TUBB8: variants seen among roughly 807,000 people sequenced by gnomAD.
The protein encoded by TUBB8 is tubulin beta 8 class VIII, also known as tubulin beta-8 chain.
A neutral mutation model predicts 33.7 loss-of-function variants in TUBB8; 25 were observed. The observed-to-expected ratio is 0.74, with a 90% CI of 0.54 to 1.04. The LOEUF is 1.04. TUBB8 is among the 50% of genes least tolerant of loss of function. The pLI is 0.00. For synonymous variants in TUBB8, 245 were observed against 240.1 expected (o/e 1.02, Z -0.19); for missense variants, 279 against 608.0 (o/e 0.46, Z 5.69).
At position 73,624 on chromosome 10, in the gene TUBB8, CAA is replaced by C. The variant is rs1172877104; in HGVS notation, c.-846+343_-846+344del. ...CGCCATTGCACTCCAACCTGGGAAA[CAA>C]GAGCGAAAGTCCGTCTCCAAAACAA... On this transcript the variant is annotated intron_variant, in intron 1 of 3. Coordinates refer to the TUBB8 transcript ENST00000564130. Among the ~76,000 whole-genome samples, 30 of 150,720 alleles carry C rather than the reference CAA, an allele frequency of 2.0e-4. 2 individuals carry two copies. The highest frequency in any genetic ancestry group is 6.0e-5 in the Non-Finnish European group (4 of 67,076).
chr10:68,041 T>C (rs782401975), intron 1 of TUBB8, among the ~76,000 whole-genome samples: 15 of 152,266 alleles, frequency 9.9e-5, no homozygotes, highest in Admixed American at 3.9e-4. Flanking sequence ...GCATAAATAC[T>C]GTGATGGTTA....
intron 1 of TUBB8, among the ~76,000 whole-genome samples, chr10:73,172 C>T (rs1465760416): frequency 6.6e-6 from 1 of 152,252 alleles, no homozygotes; most frequent in African/African-American, 2.4e-5. Context: ...GACGAGTTCA[C>T]TTCCATTAGA....
chr10:55,313 T>G (rs1436735488), intron 1 of TUBB8, among the ~76,000 whole-genome samples: 3 of 152,300 alleles, frequency 2.0e-5, no homozygotes, highest in South Asian at 4.1e-4. Context: ...CTACCAGGTC[T>G]CTCCCTCAAC....
At chr10:54,201 C>G (rs1373794912), upstream of TUBB8, among the ~76,000 whole-genome samples, 1 of 152,134 alleles carries the variant, frequency 6.6e-6, no homozygotes, top group Non-Finnish European at 1.5e-5. Context: ...CTGCCCTTCC[C>G]AGCCTCTGGT....
chr10:71,777 G>C (rs1358903987), intron 1 of TUBB8, among the ~76,000 whole-genome samples: 1 of 151,258 alleles, frequency 6.6e-6, no homozygotes, highest in African/African-American at 2.4e-5. Flanking sequence ...GTGCATGGTG[G>C]CTGGTGCCTA....
At chr10:56,442 G>T (rs1244841566) in intron 1 of TUBB8, among the ~76,000 whole-genome samples, 1 of 152,210 alleles carries the variant, frequency 6.6e-6, no homozygotes. Context: ...AAGGAAATAG[G>T]TTTCATTGGC....
In TUBB8 at chr10:65,790, G is replaced by A. The variant is rs563061413; in HGVS notation, c.-846+8179C>T. Among the ~76,000 whole-genome samples, 735 of 80,204 alleles carry A rather than the reference G, an allele frequency of 9.2e-3. 2 individuals are homozygous for A. Among genetic ancestry groups the A allele is most frequent in the African/African-American group, 0.056 (688 of 12,370 alleles). The allele number at this position is 80,204 out of a possible 152,430, so 52.6% of individuals were successfully genotyped here. A position where few individuals can be genotyped will look rare whatever the true frequency, so the allele number is the denominator to read the frequency against. On this transcript the variant is annotated intron_variant, in intron 1 of 3. Coordinates refer to the TUBB8 transcript ENST00000564130. Reference sequence around the variant, plus strand: ...AATAATTGTAATTTCATACTAGCACGTATTTTGAGGATTGCACAACATGAT... The same window carrying A: ...AATAATTGTAATTTCATACTAGCACATATTTTGAGGATTGCACAACATGAT...
chr10:50,085 T>G (rs1834447093), upstream of TUBB8: 1 of 153,458 alleles, frequency 6.5e-6, no homozygotes, highest in Admixed American at 6.5e-5. Flanking sequence ...TCCGGGTAAA[T>G]TAGAGTGGCC....
At chr10:65,053 C>T (rs1834653271) in intron 1 of TUBB8, among the ~76,000 whole-genome samples, 1 of 151,788 alleles carries the variant, frequency 6.6e-6, no homozygotes, top group Admixed American at 6.6e-5. Context: ...AAGGCTGAGG[C>T]CTAAAAATCA....
At position 47,458 on chromosome 10, in the gene TUBB8, T is replaced by C. The variant is rs1554738095; in HGVS notation, c.934A>G (p.Thr312Ala). ...CGACCCCTGAAAATGGCAGCCGCCGTTAGGTAGCGGCCGTGACGGGGGTCA... is the reference window on the plus strand; with the variant it reads ...CGACCCCTGAAAATGGCAGCCGCCGCTAGGTAGCGGCCGTGACGGGGGTCA... ...ACDPRHGRYL[T>A]AAAIFRGRMP... The change falls in exon 4 of 4, where the codon ACG becomes GCG. Residue 312 changes from threonine (T) to alanine (A), a missense_variant. By Grantham distance (58) the Thr-to-Ala change is moderately conservative. This residue lies in a region of TUBB8 where 123 missense variants were observed against 228.9 expected (regional missense o/e 0.54). Coordinates refer to ENST00000568584, the MANE Select transcript of TUBB8 (RefSeq NM_177987.3). 1 of 1,612,284 alleles carries C rather than the reference T, an allele frequency of 6.2e-7. No homozygotes were observed. Among genetic ancestry groups the C allele is most frequent in the South Asian group, 1.1e-5 (1 of 90,990 alleles).
In TUBB8 at chr10:49,172, G is replaced by A. The variant is rs1162403043; in HGVS notation, c.57+10C>T. The A allele has an allele frequency of 3.8e-6, 6 of 1,567,368 alleles. No individual in the cohort carries two copies. Among genetic ancestry groups the A allele is most frequent in the African/African-American group, 1.4e-5 (1 of 73,558 alleles). On this transcript the variant is annotated intron_variant, in intron 1 of 3. Transcript: ENST00000568584. ...GCCCGGGCTAGGCCCTCAGAGCCCC[G>A]GCTGCCAACCTTGGCGCCGATCTGA...
At chr10:56,349 T>TA (rs1411463463) in intron 1 of TUBB8, among the ~76,000 whole-genome samples, 15 of 152,352 alleles carry the variant, frequency 9.8e-5, no homozygotes, top group Admixed American at 9.8e-4. Context: ...TTACTCAAGT[T>TA]ATTACTTCTA....
chr10:53,750 T>C (rs1262055022), upstream of TUBB8, among the ~76,000 whole-genome samples: 49 of 152,400 alleles, frequency 3.2e-4, no homozygotes, highest in African/African-American at 1.0e-3. Flanking sequence ...TTTCCACTTA[T>C]AAACTAAAAA....
chr10:49,505 C>T (rs1554739207), upstream of TUBB8: 22 of 665,474 alleles, frequency 3.3e-5, no homozygotes. Context: ...AGAACTTCCT[C>T]CCGCGTCTTT....
upstream of TUBB8, among the ~76,000 whole-genome samples, chr10:75,158 C>T (rs1834794230): frequency 6.8e-6 from 1 of 147,384 alleles, no homozygotes; most frequent in Non-Finnish European, 1.5e-5. Flanking sequence ...CCTGGGATTA[C>T]AGGCGTGAGC....
chr10:64,964 C>G (rs1834650518), intron 1 of TUBB8, among the ~76,000 whole-genome samples: 1 of 120,004 alleles, frequency 8.3e-6, no homozygotes, highest in Admixed American at 9.4e-5. Context: ...TGAGGAAACC[C>G]CCATCTCCAC....
upstream of TUBB8, among the ~76,000 whole-genome samples, chr10:50,624 A>G (rs1434019218): frequency 1.3e-5 from 2 of 152,220 alleles, no homozygotes; most frequent in Admixed American, 6.5e-5. Context: ...TGTTGTATGG[A>G]AAAGCCCTTG....
upstream of TUBB8, among the ~76,000 whole-genome samples, chr10:53,300 G>A (rs1253426850): frequency 1.3e-5 from 2 of 152,078 alleles, no homozygotes; most frequent in Admixed American, 6.6e-5. Flanking sequence ...GCTAATTTTT[G>A]TATCTTTAGT....
chr10:53,365 T>C (rs1834492076), upstream of TUBB8, among the ~76,000 whole-genome samples: 1 of 152,188 alleles, frequency 6.6e-6, no homozygotes, highest in Non-Finnish European at 1.5e-5. Context: ...TGACAACAAG[T>C]GATCTGCCCA....
Sources: gnomAD v4.1 joint callset for allele counts (sites outside exome capture counted in the v4.1 genomes callset) on GRCh38, gnomAD v4.1.1 for gene constraint, gnomAD v4.1.1 regional missense constraint, MANE v1.5 for transcripts, NCBI Gene and HGNC (gene_info 2026-07-23, HGNC 2026-07-21) for gene names.